The following OPRM1 variants were observed in gnomAD, a reference collection of about 807,000 sequenced individuals.
OPRM1 encodes the protein opioid receptor mu 1.
In OPRM1, 27 loss-of-function variants were observed where a neutral mutation model predicts 31.8. That is an observed-to-expected ratio of 0.85 (90% CI 0.63 to 1.17). OPRM1 has a LOEUF of 1.17. Ranked by LOEUF, OPRM1 falls within the 50% of genes most tolerant of loss-of-function variation. The pLI is 0.00. For synonymous variants in OPRM1, 196 were observed against 189.9 expected, an observed-to-expected ratio of 1.03 and a Z score of -0.26; for missense variants, 536 against 511.1, an observed-to-expected ratio of 1.05 and a Z score of -0.47.
chr6:154,114,635 A>C (rs567389724), intron 3 of OPRM1, among the ~76,000 whole-genome samples: 1 of 152,330 alleles, frequency 6.6e-6, no homozygotes, highest in East Asian at 1.9e-4. Flanking sequence ...AAAATGGCAC[A>C]CCAGGTGCTA....
At chr6:154,212,807 G>A (rs755067526) in intron 3 of OPRM1, 3 of 1,613,720 alleles carry the variant, frequency 1.9e-6, no homozygotes, top group Non-Finnish European at 1.7e-6. Context: ...AGGGGGTGGT[G>A]TCTCCGCAGC....
At chr6:154,029,409 A>G (rs1778881222) in intron 1 of OPRM1, among the ~76,000 whole-genome samples, 2 of 152,240 alleles carry the variant, frequency 1.3e-5, no homozygotes, top group African/African-American at 4.8e-5. Flanking sequence ...CAAAAAATTC[A>G]TAAACCTATT....
At chr6:154,074,914 ATG>A (rs1361248027) in intron 1 of OPRM1, among the ~76,000 whole-genome samples, 1 of 152,194 alleles carries the variant, frequency 6.6e-6, no homozygotes, top group Admixed American at 6.5e-5. Flanking sequence ...AACAAAAGCA[ATG>A]GAAGAGAGGC....
chr6:154,055,760 C>T (rs1783144760), intron 1 of OPRM1, among the ~76,000 whole-genome samples: 1 of 152,118 alleles, frequency 6.6e-6, no homozygotes, highest in Non-Finnish European at 1.5e-5. Flanking sequence ...ATTTGGTTCC[C>T]TACTGTTAAG....
At chr6:154,060,707 A>T (rs1277867205) in intron 1 of OPRM1, among the ~76,000 whole-genome samples, 1 of 152,184 alleles carries the variant, frequency 6.6e-6, no homozygotes, top group Non-Finnish European at 1.5e-5. Context: ...CCTGGGAGAA[A>T]AAGATGAGGT....
intron 1 of OPRM1, among the ~76,000 whole-genome samples, chr6:154,053,622 A>G (rs1025093434): frequency 6.6e-6 from 1 of 152,182 alleles, no homozygotes; most frequent in African/African-American, 2.4e-5. Context: ...GTTTTGTTCA[A>G]TGATTTCCTT....
intron 3 of OPRM1, among the ~76,000 whole-genome samples, chr6:154,211,197 A>C (rs1202784095): frequency 6.6e-6 from 1 of 152,076 alleles, no homozygotes; most frequent in African/African-American, 2.4e-5. Context: ...CAGGCGGATC[A>C]TGAGGTCAGG....
At chr6:154,062,231 A>G (rs1265861688) in intron 1 of OPRM1, among the ~76,000 whole-genome samples, 1 of 152,176 alleles carries the variant, frequency 6.6e-6, no homozygotes, top group Non-Finnish European at 1.5e-5. Flanking sequence ...GAAGTAGTAG[A>G]TGATCCTGAA....
At chr6:154,021,635 A>T (rs917013061) in intron 1 of OPRM1, among the ~76,000 whole-genome samples, 2 of 152,154 alleles carry the variant, frequency 1.3e-5, no homozygotes, top group Admixed American at 6.5e-5. Context: ...TCTTCATCAG[A>T]GTTTTATAAA....
At chr6:154,066,959 T>A (rs947820944) in intron 1 of OPRM1, among the ~76,000 whole-genome samples, 2 of 152,202 alleles carry the variant, frequency 1.3e-5, no homozygotes, top group African/African-American at 4.8e-5. Context: ...TGTTGGCATA[T>A]AATTTGTCCA....
At position 154,130,152 on chromosome 6, in the gene OPRM1, T is replaced by A. The variant is rs505340; in HGVS notation, c.*11431T>A. ...GTCTCTACCCAAACCATCGATTTCA[T>A]GGAAATGTTTAAATTTTCTTTTTTT... On this transcript the variant is annotated 3_prime_UTR_variant, in exon 4 of 4. Coordinates refer to ENST00000330432, the MANE Select transcript of OPRM1 (RefSeq NM_000914.5). 6.7e-6 allele frequency among the ~76,000 whole-genome samples: 1 copy of A among 148,550 alleles called. No individual in the cohort carries two copies. Among genetic ancestry groups the A allele is most frequent in the Non-Finnish European group, 1.5e-5 (1 of 67,582 alleles).
intron 1 of OPRM1, among the ~76,000 whole-genome samples, 171 bp downstream of exon 1, chr6:154,040,005 T>C (rs758064560): frequency 4.6e-5 from 7 of 152,182 alleles, no homozygotes; most frequent in Non-Finnish European, 7.4e-5. Flanking sequence ...TGAGAAAACC[T>C]ACTTTTCTGT....
intron 3 of OPRM1, among the ~76,000 whole-genome samples, chr6:154,192,390 A>C (rs1033039002): frequency 6.6e-6 from 1 of 151,810 alleles, no homozygotes; most frequent in African/African-American, 2.4e-5. Context: ...TTTTAGATAG[A>C]GAGAGAACAC....
At chr6:154,110,208 T>C in intron 3 of OPRM1, 1 of 535,170 alleles carries the variant, frequency 1.9e-6, no homozygotes, top group Admixed American at 3.6e-5. Context: ...GGGTTTTCAC[T>C]TTTGTTTTAC....
At chr6:154,212,813 G>T in intron 3 of OPRM1, 1 of 1,613,566 alleles carries the variant, frequency 6.2e-7, no homozygotes, top group Non-Finnish European at 8.5e-7. Flanking sequence ...TGGTGTCTCC[G>T]CAGCTATTTC....
intron 3 of OPRM1, among the ~76,000 whole-genome samples, chr6:154,200,369 A>G (rs4870273): frequency 0.35 from 52,871 of 152,090 alleles, 9,579 homozygotes; most frequent in Middle Eastern, 0.48. Flanking sequence ...CACTTTGAGC[A>G]AAATATAATT....
At chr6:154,032,043 T>C (rs1181511562) in intron 1 of OPRM1, among the ~76,000 whole-genome samples, 1 of 152,146 alleles carries the variant, frequency 6.6e-6, no homozygotes, top group East Asian at 1.9e-4. Flanking sequence ...TTGGCTACAG[T>C]GTATAGGATG....
At chr6:154,180,415 T>TATATATA (rs1491475267) in intron 3 of OPRM1, among the ~76,000 whole-genome samples, 108 of 29,328 alleles carry the variant, frequency 3.7e-3, no homozygotes, top group African/African-American at 0.014. Context: ...TATATATATA[T>TATATATA]TTTTTTTTTA....
Position 154,172,010 on chromosome 6 carries a change from T to C in OPRM1, c.1165-74683T>C, listed in dbSNP as rs143481074. Reference sequence around the variant, plus strand: ...AAGAGTATGACAAAGATAAATAGAATGGTTTCTTTACATTTCTCTGTGTTC... The same window carrying C: ...AAGAGTATGACAAAGATAAATAGAACGGTTTCTTTACATTTCTCTGTGTTC... On this transcript the variant is annotated intron_variant, in intron 3 of 3. Coordinates refer to the OPRM1 transcript ENST00000337049. Among the ~76,000 whole-genome samples the C allele has an allele frequency of 2.4e-3, 369 of 152,346 alleles. 2 individuals are homozygous for C. The highest frequency in any genetic ancestry group is 8.4e-3 in the African/African-American group (349 of 41,586).
Sources: allele counts gnomAD v4.1 joint callset (sites outside exome capture counted in the v4.1 genomes callset), GRCh38; gene constraint gnomAD v4.1.1; transcripts MANE v1.5; gene names NCBI Gene and HGNC (gene_info 2026-07-23, HGNC 2026-07-21).